The following FAM167A variants were observed in gnomAD, a reference collection of about 807,000 sequenced individuals.
The protein encoded by FAM167A is family with sequence similarity 167 member A.
FAM167A carries 23 observed loss-of-function variants against 14.9 expected under a neutral mutation model. That is an observed-to-expected ratio of 1.55 (90% CI 1.11 to 2.19). The LOEUF (loss-of-function observed/expected upper bound fraction) is 2.19, where lower values mean the gene tolerates loss of function less well. FAM167A is among the 30% of genes most tolerant of loss of function. The probability of loss-of-function intolerance (pLI) is 0.00; values close to 1 mark genes in which losing one functional copy is unlikely to be tolerated. For missense variants in FAM167A, 401 were observed against 281.5 expected, an observed-to-expected ratio of 1.42 and a Z score of -3.04; for synonymous variants, 174 against 117.7, an observed-to-expected ratio of 1.48 and a Z score of -3.10.
At position 11,421,540 on chromosome 8, in the gene FAM167A, A is replaced by AC; in HGVS notation, c.*2832_*2833insG. 2.5e-6 allele frequency: 1 copy of AC among 394,702 alleles called. No individual in the cohort carries two copies. 24.4% of individuals were successfully genotyped at this position (394,702 alleles called of 1,614,324 possible). A position where few individuals can be genotyped will look rare whatever the true frequency, so the allele number is the denominator to read the frequency against. On this transcript the variant is annotated 3_prime_UTR_variant, in exon 3 of 3. Transcript: ENST00000284486. ...ATTTCACTTTTTCTAACAGCAATAT[A>AC]GAAACAAATAATCATAAAAAATAAA...
rs1255816399 is a variant in FAM167A, at chr8:11,421,825, T to C, written c.*2548A>G. ...TGCAAACAGCACTGTACACATGTGG[T>C]GAGCCAGGAGGCTGGGACGGAGGTT... On this transcript the variant is annotated 3_prime_UTR_variant, in exon 3 of 3. Coordinates refer to ENST00000284486, the MANE Select transcript of FAM167A (RefSeq NM_053279.3). The C allele has an allele frequency of 2.0e-5, 8 of 398,662 alleles. No individual in the cohort carries two copies. Among genetic ancestry groups the C allele is most frequent in the Non-Finnish European group, 3.5e-5 (8 of 226,104 alleles). 24.7% of individuals were successfully genotyped at this position (398,662 alleles called of 1,614,324 possible).
intron 1 of FAM167A, among the ~76,000 whole-genome samples, chr8:11,459,628 C>T (rs1031458589): frequency 6.6e-6 from 1 of 152,148 alleles, no homozygotes; most frequent in African/African-American, 2.4e-5. Flanking sequence ...GGGACCTCAG[C>T]CTAAGGGAAG....
chr8:11,435,526 A>G (rs7018402), intron 2 of FAM167A, among the ~76,000 whole-genome samples: 1 of 152,118 alleles, frequency 6.6e-6, no homozygotes, highest in African/African-American at 2.4e-5. Flanking sequence ...TTTCCACACT[A>G]CATTACCCAG....
intron 2 of FAM167A, chr8:11,438,474 T>C (rs1247517432): frequency 2.2e-6 from 1 of 457,300 alleles, no homozygotes; most frequent in Admixed American, 2.3e-5. Context: ...GAAGAATGCA[T>C]ACCGATTACA....
upstream of FAM167A, among the ~76,000 whole-genome samples, chr8:11,472,437 G>GTTTTTTTTTTTTTTTTTTTTTTTTGGTT: frequency 8.2e-6 from 1 of 122,520 alleles, no homozygotes; most frequent in Non-Finnish European, 1.7e-5. Flanking sequence ...TGTTTTTTGG[G>GTTTTTTTTTTTTTTTTTTTTTTTTGGTT]TTTTTTTTTT....
intron 1 of FAM167A, among the ~76,000 whole-genome samples, chr8:11,449,222 G>A (rs1007196208): frequency 2.8e-4 from 43 of 152,348 alleles, no homozygotes; most frequent in African/African-American, 1.0e-3. Context: ...CAAGCCCAAA[G>A]GGGTTTCTTC....
rs1472041316 is a variant in FAM167A at position 11,444,506 on chromosome 8, C to G, written c.-95G>C. 6.7e-7 allele frequency: 1 copy of G among 1,485,810 alleles called. No individual in the cohort carries two copies. Among genetic ancestry groups the G allele is most frequent in the Non-Finnish European group, 8.9e-7 (1 of 1,125,194 alleles). The allele number at this position is 1,485,810 out of a possible 1,614,324, so 92.0% of individuals were successfully genotyped here. On this transcript the variant is annotated 5_prime_UTR_variant, in exon 2 of 3. Coordinates refer to ENST00000284486, the MANE Select transcript of FAM167A (RefSeq NM_053279.3). Reference sequence around the variant, plus strand: ...ACAGTTGGGTCCCGCTCTGGGATGGCCTCATCCAGGTGCCCGAGGGCATTT... The same window carrying G: ...ACAGTTGGGTCCCGCTCTGGGATGGGCTCATCCAGGTGCCCGAGGGCATTT...
Position 11,444,603 on chromosome 8 carries a change from G to A in FAM167A, c.-192C>T, listed in dbSNP as rs548411976. On this transcript the variant is annotated 5_prime_UTR_variant, in exon 2 of 3. Coordinates refer to ENST00000284486, the MANE Select transcript of FAM167A (RefSeq NM_053279.3). Reference sequence around the variant, plus strand: ...AGGGACCGCGCAGTGAGCCGCACAGGGCGCCCTCCTGGAGGCTCGGGTCTA... The same window carrying A: ...AGGGACCGCGCAGTGAGCCGCACAGAGCGCCCTCCTGGAGGCTCGGGTCTA... The A allele has an allele frequency of 3.6e-6, 5 of 1,396,372 alleles. No individual in the cohort carries two copies. Among genetic ancestry groups the A allele is most frequent in the Non-Finnish European group, 4.6e-6 (5 of 1,082,126 alleles). The allele number at this position is 1,396,372 out of a possible 1,614,324, so 86.5% of individuals were successfully genotyped here. A position where few individuals can be genotyped will look rare whatever the true frequency, so the allele number is the denominator to read the frequency against.
At chr8:11,462,188 G>A (rs556968252) in intron 1 of FAM167A, among the ~76,000 whole-genome samples, 2 of 152,354 alleles carry the variant, frequency 1.3e-5, no homozygotes, top group African/African-American at 2.4e-5. Flanking sequence ...TTCACACCTC[G>A]CAGAGGAAAG....
chr8:11,456,783 C>A (rs1258650099), intron 1 of FAM167A, among the ~76,000 whole-genome samples: 1 of 123,984 alleles, frequency 8.1e-6, no homozygotes, highest in South Asian at 2.8e-4. Context: ...TAGGGGAGTG[C>A]GGCTGGCTAA....
intron 1 of FAM167A, among the ~76,000 whole-genome samples, chr8:11,473,296 T>C (rs1808018471): frequency 6.6e-6 from 1 of 152,116 alleles, no homozygotes; most frequent in South Asian, 2.1e-4. Flanking sequence ...GGGGGGAAGC[T>C]TGTTGCATAC....
rs1051477208 is a variant in FAM167A, at chr8:11,424,046, C to A, written c.*327G>T. 9 of 281,182 alleles carry A rather than the reference C, an allele frequency of 3.2e-5. No homozygotes were observed. The highest frequency in any genetic ancestry group is 4.7e-5 in the Non-Finnish European group (7 of 147,530). The allele number at this position is 281,182 out of a possible 1,614,324, so 17.4% of individuals were successfully genotyped here. A position where few individuals can be genotyped will look rare whatever the true frequency, so the allele number is the denominator to read the frequency against. On this transcript the variant is annotated 3_prime_UTR_variant, in exon 3 of 3. Coordinates refer to ENST00000284486, the MANE Select transcript of FAM167A (RefSeq NM_053279.3). ...TCCCTTTGGGAATCCCAGTTCATAG[C>A]ACCAGTGATTCCAGGAAACAGGAAC...
At chr8:11,427,219 A>G (rs1455033355) in intron 2 of FAM167A, among the ~76,000 whole-genome samples, 1 of 152,162 alleles carries the variant, frequency 6.6e-6, no homozygotes, top group African/African-American at 2.4e-5. Context: ...TGGGCCTCAC[A>G]GCCACTCCTG....
At chr8:11,455,772 G>C (rs1226657392) in intron 1 of FAM167A, among the ~76,000 whole-genome samples, 1 of 19,344 alleles carries the variant, frequency 5.2e-5, no homozygotes, top group Non-Finnish European at 1.3e-4. Context: ...GAGTGTATTG[G>C]GGGTGGTTGC....
chr8:11,421,863 C>T lies in FAM167A; in HGVS notation c.*2510G>A, dbSNP rs1804753895. ...TGGGACGGAGGTTAGGCCAATGTTG[C>T]TGCTGACTCATAGACCCACAGAGAG... On this transcript the variant is annotated 3_prime_UTR_variant, in exon 3 of 3. Coordinates refer to ENST00000284486, the MANE Select transcript of FAM167A (RefSeq NM_053279.3). The T allele has an allele frequency of 7.6e-6, 3 of 395,482 alleles. No homozygotes were observed. The East Asian group carries it at 1.1e-4, about 14-fold the overall frequency. 24.5% of individuals were successfully genotyped at this position (395,482 alleles called of 1,614,324 possible).
rs368084008 is a variant in FAM167A at position 11,439,703 on chromosome 8, A to G, written c.381+4328T>C. On this transcript the variant is annotated intron_variant, in intron 2 of 2. Coordinates refer to ENST00000284486, the MANE Select transcript of FAM167A (RefSeq NM_053279.3). ...TATCAGTGGGTGCCCAGGGCTTCTC[A>G]CTACAAACTGCCCATTAGGAAGCCG... Among the ~76,000 whole-genome samples, 6 of 152,308 alleles carry G rather than the reference A, an allele frequency of 3.9e-5. No individual in the cohort carries two copies. In the South Asian group the frequency reaches 1.0e-3, roughly 26 times the overall value.
chr8:11,428,559 T>C (rs551097136), intron 2 of FAM167A, among the ~76,000 whole-genome samples: 14 of 152,234 alleles, frequency 9.2e-5, no homozygotes, highest in Non-Finnish European at 1.5e-4. Flanking sequence ...GGGCTGGGAA[T>C]TGCAACTTCC....
intron 2 of FAM167A, among the ~76,000 whole-genome samples, chr8:11,440,855 A>C (rs889371592): frequency 6.6e-6 from 1 of 152,238 alleles, no homozygotes; most frequent in African/African-American, 2.4e-5. Context: ...CACTGAGTTA[A>C]ATAGGTTAAT....
At chr8:11,437,674 C>T (rs1159843822) in intron 2 of FAM167A, among the ~76,000 whole-genome samples, 2 of 147,544 alleles carry the variant, frequency 1.4e-5, no homozygotes, top group Non-Finnish European at 2.9e-5. Context: ...CCATGGAGGG[C>T]TGGGAGGGAT....
Sources: allele counts gnomAD v4.1 joint callset (sites outside exome capture counted in the v4.1 genomes callset), GRCh38; gene constraint gnomAD v4.1.1; transcripts MANE v1.5; gene names NCBI Gene and HGNC (gene_info 2026-07-23, HGNC 2026-07-21).